The following RELN variants were observed in gnomAD, a reference collection of about 807,000 sequenced individuals.
The protein encoded by RELN is reelin.
RELN carries 108 observed loss-of-function variants against 427.6 expected under a neutral mutation model. The ratio of observed to expected loss-of-function variants is 0.25; its 90% CI spans 0.22 to 0.30. The LOEUF (loss-of-function observed/expected upper bound fraction) is 0.30. Ranked by LOEUF, RELN falls within the 10% of genes least tolerant of loss-of-function variation. RELN has a pLI of 1.00. For synonymous variants in RELN, 1,524 were observed against 1,513.4 expected, an observed-to-expected ratio of 1.01 and a Z score of -0.16; for missense variants, 3,715 against 4,302.8, an observed-to-expected ratio of 0.86 and a Z score of 3.82.
rs202134710 is a variant in RELN, at chr7:103,743,524, C to T, written c.656+5902G>A. Among the ~76,000 whole-genome samples the T allele has an allele frequency of 6.4e-4, 97 of 152,206 alleles. 1 individual carries two copies. Among genetic ancestry groups the T allele is most frequent in the Admixed American group, 3.5e-3 (54 of 15,294 alleles). ...TGCTGTATTCAGGAAACCCATCTCA[C>T]GTGCAGAGACATACATAGGCTCAAA... On this transcript the variant is annotated intron_variant, in intron 6 of 64. Coordinates refer to ENST00000428762, the MANE Select transcript of RELN (RefSeq NM_005045.4).
intron 19 of RELN, among the ~76,000 whole-genome samples, chr7:103,631,286 C>CTTTTTTTTTTTTTTTTTT (rs545808640): frequency 1.3e-5 from 1 of 77,812 alleles, no homozygotes; most frequent in Admixed American, 2.0e-4. Flanking sequence ...AAAAACACTT[C>CTTTTTTTTTTTTTTTTTT]TTTTTTTTTT....
intron 1 of RELN, among the ~76,000 whole-genome samples, chr7:103,919,937 C>T (rs1357366214): frequency 6.6e-6 from 1 of 152,184 alleles, no homozygotes; most frequent in African/African-American, 2.4e-5. Flanking sequence ...TAGAAGGAAA[C>T]TTATAACTTT....
chr7:103,704,593 C>T (rs1042269549), intron 8 of RELN, among the ~76,000 whole-genome samples: 4 of 151,974 alleles, frequency 2.6e-5, no homozygotes, highest in Non-Finnish European at 5.9e-5. Flanking sequence ...CACTCTTCCT[C>T]CTGTATCATC....
intron 1 of RELN, among the ~76,000 whole-genome samples, chr7:103,977,825 A>G (rs1196966299): frequency 1.3e-5 from 2 of 152,220 alleles, no homozygotes; most frequent in Admixed American, 1.3e-4. Context: ...TGGCAAGCAG[A>G]GTACCCTGAC....
At chr7:103,507,505 C>T (rs1829254891) in intron 51 of RELN, among the ~76,000 whole-genome samples, 1 of 152,114 alleles carries the variant, frequency 6.6e-6, no homozygotes, top group Non-Finnish European at 1.5e-5. Context: ...ACACAACATA[C>T]CAGAATCTCT....
intron 3 of RELN, among the ~76,000 whole-genome samples, chr7:103,827,585 C>T (rs1466578180): frequency 6.6e-6 from 1 of 151,854 alleles, no homozygotes. Context: ...CACATTAGAC[C>T]CTGAACTTAG....
At chr7:103,917,701 A>G (rs1795517401) in intron 1 of RELN, among the ~76,000 whole-genome samples, 1 of 152,144 alleles carries the variant, frequency 6.6e-6, no homozygotes, top group Non-Finnish European at 1.5e-5. Flanking sequence ...ACTAATTTGC[A>G]TGAAGACAGC....
intron 25 of RELN, among the ~76,000 whole-genome samples, 170 bp from the exon 26 acceptor site, chr7:103,594,662 T>TA (rs1270800550): frequency 2.6e-5 from 4 of 152,190 alleles, no homozygotes; most frequent in Non-Finnish European, 5.9e-5. Flanking sequence ...TTTAACCTTG[T>TA]AGGCAGGTTT....
At chr7:103,612,212 G>A (rs1439746022) in intron 20 of RELN, among the ~76,000 whole-genome samples, 1 of 152,044 alleles carries the variant, frequency 6.6e-6, no homozygotes, top group Non-Finnish European at 1.5e-5. Context: ...CAAAATGGAA[G>A]GCTTAAGTAA....
rs1471830686 is a variant in RELN at position 103,626,590 on chromosome 7, G to GC, written c.2702+3349_2702+3350insG. ...GGTCTTTGAATTCCTGGCCTCAGGT[G>GC]ATCCGCCCACCTTGGCCTCCAAAGT... On this transcript the variant is annotated intron_variant, in intron 20 of 64. Coordinates refer to ENST00000428762, the MANE Select transcript of RELN (RefSeq NM_005045.4). This position sits in a 1 kb window ranked among gnomAD's most constrained non-coding sequence, Gnocchi z 4.4. 6.6e-6 allele frequency among the ~76,000 whole-genome samples: 1 copy of GC among 152,096 alleles called. No homozygotes were observed. Among genetic ancestry groups the GC allele is most frequent in the Non-Finnish European group, 1.5e-5 (1 of 67,982 alleles).
At chr7:103,485,233 A>C (rs1195392879) in intron 61 of RELN, among the ~76,000 whole-genome samples, 1 of 80,378 alleles carries the variant, frequency 1.2e-5, no homozygotes, top group African/African-American at 1.5e-4. Context: ...GCAGGCCAAA[A>C]AAAAAAAAAA....
At chr7:103,912,176 T>C (rs1475409227) in intron 2 of RELN, among the ~76,000 whole-genome samples, 1 of 151,666 alleles carries the variant, frequency 6.6e-6, no homozygotes, top group Non-Finnish European at 1.5e-5. Flanking sequence ...CCAACTTGGA[T>C]TTAATCAAAT....
At chr7:103,607,015 A>AT (rs1418203569) in intron 22 of RELN, among the ~76,000 whole-genome samples, 16 of 144,758 alleles carry the variant, frequency 1.1e-4, no homozygotes, top group Admixed American at 5.9e-4. Context: ...CGAACTCATC[A>AT]TTTTTTATGG....
chr7:103,987,606 G>A (rs867398281), intron 1 of RELN, among the ~76,000 whole-genome samples: 1 of 152,130 alleles, frequency 6.6e-6, no homozygotes, highest in South Asian at 2.1e-4. Context: ...ATCATACCGG[G>A]CAAGAACTTT....
intron 2 of RELN, among the ~76,000 whole-genome samples, chr7:103,897,729 G>A (rs1243462855): frequency 6.6e-6 from 1 of 151,948 alleles, no homozygotes; most frequent in African/African-American, 2.4e-5. Flanking sequence ...CACAAATCTG[G>A]TTCATTTTCT....
At chr7:103,711,706 G>T (rs1789806221) in intron 8 of RELN, among the ~76,000 whole-genome samples, 1 of 152,160 alleles carries the variant, frequency 6.6e-6, no homozygotes, top group African/African-American at 2.4e-5. Flanking sequence ...GCCCAGGCTG[G>T]AGTGCAGTGG....
intron 11 of RELN, among the ~76,000 whole-genome samples, chr7:103,667,621 G>A (rs1833299407): frequency 6.6e-6 from 1 of 152,064 alleles, no homozygotes; most frequent in South Asian, 2.1e-4. Context: ...TAAGCCACAG[G>A]CTGAGTTCTC....
At chr7:103,565,074 G>A (rs564926333) in intron 34 of RELN, among the ~76,000 whole-genome samples, 1 of 152,158 alleles carries the variant, frequency 6.6e-6, no homozygotes, top group African/African-American at 2.4e-5. Flanking sequence ...GAACAGAAAA[G>A]TTCAGCCTCA....
At chr7:103,926,099 C>CTTTTTTTTTTTTTTTTTTT (rs55899563) in intron 1 of RELN, among the ~76,000 whole-genome samples, 2 of 90,074 alleles carry the variant, frequency 2.2e-5, no homozygotes, top group African/African-American at 8.7e-5. Context: ...CCCACCCCGC[C>CTTTTTTTTTTTTTTTTTTT]TTTTTTTTTT....
Sources: gnomAD v4.1 joint callset for allele counts (sites outside exome capture counted in the v4.1 genomes callset) on GRCh38, gnomAD v4.1.1 for gene constraint, Gnocchi (gnomAD v3.1) non-coding constraint, MANE v1.5 for transcripts, NCBI Gene and HGNC (gene_info 2026-07-23, HGNC 2026-07-21) for gene names.